Variants in ST6GAL1 observed in about 807,000 individuals in gnomAD.
The protein encoded by ST6GAL1 is beta-galactoside alpha-2,6-sialyltransferase 1.
Under a neutral mutation model 38.0 loss-of-function variants are expected in ST6GAL1, and 20 were observed. That is an observed-to-expected ratio of 0.53 (90% CI 0.37 to 0.77). The LOEUF (loss-of-function observed/expected upper bound fraction) is 0.77. Ranked by LOEUF, ST6GAL1 falls within the 30% of genes least tolerant of loss-of-function variation. The pLI is 0.00. For synonymous variants in ST6GAL1, 196 were observed against 188.2 expected (o/e 1.04, Z -0.34); for missense variants, 432 against 496.4 (o/e 0.87, Z 1.23).
chr3:186,932,510 C>G (rs1209519337), intron 1 of ST6GAL1, among the ~76,000 whole-genome samples: 1 of 152,250 alleles, frequency 6.6e-6, no homozygotes, highest in Non-Finnish European at 1.5e-5. Flanking sequence ...TAATTCCTTA[C>G]TCTCCTTCAA....
intron 2 of ST6GAL1, among the ~76,000 whole-genome samples, chr3:186,965,688 G>A (rs1014575207): frequency 6.6e-6 from 1 of 152,200 alleles, no homozygotes; most frequent in African/African-American, 2.4e-5. Context: ...GGAGGATGGA[G>A]CACTGCTCAG....
intron 6 of ST6GAL1, 101 bp from the exon 7 acceptor site, chr3:187,074,058 G>T: frequency 8.9e-7 from 1 of 1,119,708 alleles, no homozygotes; most frequent in Non-Finnish European, 1.2e-6. Context: ...AACACTTGTT[G>T]ATCCTTTCCC....
At chr3:186,977,787 A>G (rs1039780963) in intron 2 of ST6GAL1, among the ~76,000 whole-genome samples, 7 of 152,236 alleles carry the variant, frequency 4.6e-5, no homozygotes, top group African/African-American at 1.4e-4. Flanking sequence ...GAAGATATTA[A>G]TAATCAGTTT....
In ST6GAL1 at chr3:186,952,456, G is replaced by A. The variant is rs1177652409; in HGVS notation, c.-324-11329G>A. ...TTTGCTTTTCCTCTTCTCTCACTAG[G>A]TTCTCCTTCTCAGTTCCTTTTCTTG... On this transcript the variant is annotated intron_variant, in intron 1 of 7. Coordinates refer to ENST00000169298, the MANE Select transcript of ST6GAL1 (RefSeq NM_173216.2). The surrounding 1 kb of genome is among the most constrained non-coding windows in gnomAD (Gnocchi z 4.1). 6.6e-6 allele frequency among the ~76,000 whole-genome samples: 1 copy of A among 151,772 alleles called. No individual in the cohort carries two copies. The highest frequency in any genetic ancestry group is 2.4e-5 in the African/African-American group (1 of 41,314).
At chr3:187,002,789 C>A (rs1716663584) in intron 2 of ST6GAL1, among the ~76,000 whole-genome samples, 1 of 152,076 alleles carries the variant, frequency 6.6e-6, no homozygotes, top group Admixed American at 6.5e-5. Flanking sequence ...GCATAATTAC[C>A]CTTACCCAGA....
chr3:186,975,831 C>A (rs750465990), intron 2 of ST6GAL1, among the ~76,000 whole-genome samples: 3 of 152,186 alleles, frequency 2.0e-5, no homozygotes, highest in Non-Finnish European at 4.4e-5. Flanking sequence ...GGGGGACTCA[C>A]GATTGGGACT....
intron 2 of ST6GAL1, among the ~76,000 whole-genome samples, chr3:186,970,157 G>GT (rs1274170046): frequency 6.6e-6 from 1 of 151,552 alleles, no homozygotes; most frequent in Non-Finnish European, 1.5e-5. Context: ...TTGTGTGTAG[G>GT]TTAGTATAGG....
chr3:187,013,724 A>C (rs1250963762), intron 2 of ST6GAL1, among the ~76,000 whole-genome samples: 1 of 152,138 alleles, frequency 6.6e-6, no homozygotes, highest in Non-Finnish European at 1.5e-5. Context: ...AGCTGGGATT[A>C]CAGATGTGCG....
At chr3:186,985,797 AAAAG>A (rs1312465454) in intron 2 of ST6GAL1, among the ~76,000 whole-genome samples, 3 of 151,776 alleles carry the variant, frequency 2.0e-5, no homozygotes, top group Non-Finnish European at 4.4e-5. Context: ...AGAAAAAAGA[AAAAG>A]AAAAAAAGAC....
intron 1 of ST6GAL1, among the ~76,000 whole-genome samples, chr3:186,957,182 C>T (rs966550285): frequency 7.9e-5 from 12 of 152,206 alleles, no homozygotes; most frequent in African/African-American, 2.9e-4. Context: ...GTGGCTCATG[C>T]CTGTATTCCC....
At chr3:187,062,826 C>CG (rs1415515606) in intron 5 of ST6GAL1, among the ~76,000 whole-genome samples, 2 of 144,112 alleles carry the variant, frequency 1.4e-5, no homozygotes, top group African/African-American at 5.8e-5. Context: ...TATTTTAATA[C>CG]AATTTTTAAA....
At chr3:187,028,502 T>G (rs545312435) in intron 2 of ST6GAL1, among the ~76,000 whole-genome samples, 79 of 152,346 alleles carry the variant, frequency 5.2e-4, no homozygotes, top group African/African-American at 1.9e-3. Flanking sequence ...GGCTGGAGTA[T>G]TTTAAAGTAG....
intron 1 of ST6GAL1, among the ~76,000 whole-genome samples, chr3:186,939,945 CCT>C (rs1445845470): frequency 6.6e-6 from 1 of 152,206 alleles, no homozygotes; most frequent in Non-Finnish European, 1.5e-5. Flanking sequence ...CCCTTTTCTA[CCT>C]CTGACTTTGA....
chr3:186,932,528 A>C (rs1465279665), intron 1 of ST6GAL1, among the ~76,000 whole-genome samples: 1 of 152,276 alleles, frequency 6.6e-6, no homozygotes, highest in Non-Finnish European at 1.5e-5. Flanking sequence ...CAAGCCTTTC[A>C]AAAGCTTAGT....
chr3:186,934,203 G>C (rs1269707374), intron 1 of ST6GAL1, among the ~76,000 whole-genome samples: 3 of 152,286 alleles, frequency 2.0e-5, no homozygotes, highest in East Asian at 3.9e-4. Flanking sequence ...GCCATAGGAG[G>C]GGTTTGGGGT....
chr3:187,006,473 T>C (rs1321859328), intron 2 of ST6GAL1: 1 of 152,228 alleles, frequency 6.6e-6, no homozygotes, highest in Non-Finnish European at 1.5e-5. Flanking sequence ...CCCTTTTCCC[T>C]GCATAGGGTT....
intron 2 of ST6GAL1, among the ~76,000 whole-genome samples, chr3:186,994,974 TAA>T (rs1406789394): frequency 6.6e-6 from 1 of 151,586 alleles, no homozygotes; most frequent in Non-Finnish European, 1.5e-5. Flanking sequence ...CCTTTAAAAA[TAA>T]AAACTACAAG....
chr3:186,938,743 G>A (rs1293431009), intron 1 of ST6GAL1, among the ~76,000 whole-genome samples: 3 of 152,224 alleles, frequency 2.0e-5, no homozygotes, highest in African/African-American at 7.2e-5. Context: ...AAAGAAGAGT[G>A]TAAGGAACCC....
rs369454240 is a variant in ST6GAL1, at chr3:186,945,708, T to C, written c.-325+14874T>C. On this transcript the variant is annotated intron_variant, in intron 1 of 7. Transcript: ENST00000169298. ...TAATTAGAAGTGTACCTTTTCCGGC[T>C]GGGCACGGTGGCTCATGCCTGTAAT... is the stretch of plus-strand genomic sequence containing the variant. Among the ~76,000 whole-genome samples the C allele has an allele frequency of 2.8e-4, 42 of 151,860 alleles. 1 individual carries two copies. The highest frequency in any genetic ancestry group is 8.7e-4 in the African/African-American group (36 of 41,432).
Sources: allele counts gnomAD v4.1 joint callset (sites outside exome capture counted in the v4.1 genomes callset), GRCh38; gene constraint gnomAD v4.1.1; non-coding constraint Gnocchi (gnomAD v3.1); transcripts MANE v1.5; gene names NCBI Gene and HGNC (gene_info 2026-07-23, HGNC 2026-07-21).